The following CORIN variants were observed in gnomAD, a reference collection of about 807,000 sequenced individuals.
The protein encoded by CORIN is corin, serine peptidase, also known as atrial natriuretic peptide-converting enzyme.
A neutral mutation model predicts 125.3 loss-of-function variants in CORIN; 117 were observed. The observed-to-expected ratio is 0.93, with a 90% CI of 0.80 to 1.09. The LOEUF (loss-of-function observed/expected upper bound fraction) is 1.09. Among genes scored for constraint, CORIN ranks in the 50% least tolerant of loss-of-function variants. The pLI is 0.00. For synonymous variants in CORIN, 450 were observed against 466.4 expected (o/e 0.96, Z 0.45); for missense variants, 1,253 against 1,306.7 (o/e 0.96, Z 0.63).
At chr4:47,638,762 GC>G (rs1723125246) in intron 16 of CORIN, among the ~76,000 whole-genome samples, 1 of 152,160 alleles carries the variant, frequency 6.6e-6, no homozygotes, top group African/African-American at 2.4e-5. Flanking sequence ...TAATACAGCT[GC>G]CATGAGAATT....
Position 47,627,624 on chromosome 4 carries a change from G to A in CORIN, c.2199-1103C>T, listed in dbSNP as rs143312250. 5.3e-3 allele frequency among the ~76,000 whole-genome samples: 808 copies of A among 152,034 alleles called. 5 individuals carry two copies. Among genetic ancestry groups the A allele is most frequent in the African/African-American group, 0.018 (763 of 41,456 alleles). ...TCTTTTTCTTGGCCAAAATGAATCC[G>A]GCTCTCCATCAATTCCAGAAGTTCT... is the stretch of plus-strand genomic sequence containing the variant. On this transcript the variant is annotated intron_variant, in intron 16 of 21. Coordinates refer to ENST00000273857, the MANE Select transcript of CORIN (RefSeq NM_006587.4).
intron 14 of CORIN, among the ~76,000 whole-genome samples, chr4:47,644,101 T>C (rs915649777): frequency 1.3e-5 from 2 of 152,210 alleles, no homozygotes; most frequent in South Asian, 2.1e-4. Context: ...TGCTTCTTTT[T>C]GCAGTTCAGC....
intron 1 of CORIN, among the ~76,000 whole-genome samples, chr4:47,811,689 A>G (rs1489312789): frequency 6.6e-6 from 1 of 152,192 alleles, no homozygotes; most frequent in African/African-American, 2.4e-5. Context: ...AATTGGTTGG[A>G]TTACCTTTTG....
chr4:47,758,397 C>T (rs1414742434), intron 4 of CORIN, among the ~76,000 whole-genome samples: 8 of 151,950 alleles, frequency 5.3e-5, no homozygotes, highest in South Asian at 4.1e-4. Flanking sequence ...TCAATGTGTC[C>T]GTACTACCCA....
intron 16 of CORIN, among the ~76,000 whole-genome samples, chr4:47,628,981 T>C (rs1722698018): frequency 6.6e-6 from 1 of 152,216 alleles, no homozygotes; most frequent in Non-Finnish European, 1.5e-5. Context: ...TCTTGGGTAT[T>C]ATGAAGAGTG....
At chr4:47,693,667 G>A (rs1251596284) in intron 5 of CORIN, among the ~76,000 whole-genome samples, 2 of 152,118 alleles carry the variant, frequency 1.3e-5, no homozygotes, top group Non-Finnish European at 2.9e-5. Flanking sequence ...CATAAGGAAC[G>A]GGAAATGGCA....
intron 21 of CORIN, 111 bp from the exon 22 acceptor site, chr4:47,596,014 G>GC: frequency 6.3e-6 from 5 of 791,746 alleles, no homozygotes; most frequent in Non-Finnish European, 9.3e-6. Flanking sequence ...AACTTGGAAA[G>GC]TTTCAACAAA....
intron 19 of CORIN, among the ~76,000 whole-genome samples, chr4:47,612,181 C>G (rs571582460): frequency 1.3e-5 from 2 of 152,216 alleles, no homozygotes; most frequent in East Asian, 3.9e-4. Context: ...AGCTATAAAT[C>G]TGGTGAATAG....
intron 5 of CORIN, among the ~76,000 whole-genome samples, chr4:47,696,590 T>C (rs1726016695): frequency 6.6e-6 from 1 of 152,314 alleles, no homozygotes; most frequent in Middle Eastern, 3.4e-3. Context: ...TAATTAATAC[T>C]ACTGCAAAAA....
intron 2 of CORIN, among the ~76,000 whole-genome samples, chr4:47,788,411 T>A (rs1730916697): frequency 1.3e-5 from 2 of 152,168 alleles, no homozygotes; most frequent in Non-Finnish European, 2.9e-5. Flanking sequence ...AATAAAACAT[T>A]GAAGCATAAA....
At chr4:47,712,253 GATAAT>G (rs1378211695) in intron 5 of CORIN, among the ~76,000 whole-genome samples, 3 of 152,018 alleles carry the variant, frequency 2.0e-5, no homozygotes, top group Non-Finnish European at 4.4e-5. Context: ...TGATATATAT[GATAAT>G]ATAATGTCAT....
chr4:47,775,279 T>A (rs1294401560), intron 3 of CORIN, among the ~76,000 whole-genome samples: 1 of 152,134 alleles, frequency 6.6e-6, no homozygotes, highest in Non-Finnish European at 1.5e-5. Context: ...ACAGGTTTTT[T>A]ACCTATGTAT....
At chr4:47,836,043 G>A (rs1733383786) in intron 1 of CORIN, among the ~76,000 whole-genome samples, 1 of 152,082 alleles carries the variant, frequency 6.6e-6, no homozygotes, top group Non-Finnish European at 1.5e-5. Flanking sequence ...GGGTTTTGAG[G>A]TTGATGTGTT....
intron 1 of CORIN, among the ~76,000 whole-genome samples, chr4:47,817,857 A>G (rs1266389062): frequency 2.0e-5 from 3 of 152,152 alleles, no homozygotes; most frequent in Non-Finnish European, 4.4e-5. Context: ...TGTTAAACAA[A>G]TAATCTCTGA....
At chr4:47,625,633 C>T (rs1577751353) in intron 17 of CORIN, among the ~76,000 whole-genome samples, 1 of 152,094 alleles carries the variant, frequency 6.6e-6, no homozygotes, top group Non-Finnish European at 1.5e-5. Context: ...TAGTTTTCCT[C>T]TTTAAAATTC....
Position 47,600,218 on chromosome 4 carries a change from C to T in CORIN, c.2942G>A (p.Cys981Tyr). 1 of 1,607,082 alleles carries T rather than the reference C, an allele frequency of 6.2e-7. No individual in the cohort carries two copies. Among genetic ancestry groups the T allele is most frequent in the Non-Finnish European group, 8.5e-7 (1 of 1,176,244 alleles). Residue 981 changes from cysteine to tyrosine, a missense_variant, in exon 21 of 22, where the codon TGC becomes TAC. Coordinates refer to ENST00000273857, the MANE Select transcript of CORIN (RefSeq NM_006587.4). ...AGYESGTVDSCMGDSGGPLVC... is the reference protein window; with the variant it reads ...AGYESGTVDSYMGDSGGPLVC... ...GGTAACCAGAAAGCAACTTACCATG[C>T]ATGAATCAACTGTGCCAGACTCATA... is the stretch of plus-strand genomic sequence containing the variant.
At chr4:47,761,701 G>A (rs1456511777) in intron 4 of CORIN, among the ~76,000 whole-genome samples, 2 of 152,180 alleles carry the variant, frequency 1.3e-5, no homozygotes, top group African/African-American at 4.8e-5. Flanking sequence ...GAATAAAGGT[G>A]AAAAGAGACT....
At position 47,623,662 on chromosome 4, in the gene CORIN, A is replaced by G; in HGVS notation, c.2449T>C (p.Cys817Arg). 1 of 1,614,216 alleles carries G rather than the reference A, an allele frequency of 6.2e-7. No individual in the cohort carries two copies. ...TSRPGRWPWQ[C>R]SLQSEPSGHI... ...CCACTGGGTTCACTCTGCAGAGAAC[A>G]CTGCCATGGCCACCTTCCAGGGCGA... The change falls in exon 19 of 22, where the codon TGT (cysteine) becomes CGT (arginine). Residue 817 changes from cysteine (C) to arginine (R), a missense_variant. Cys to Arg is a radical substitution (Grantham distance 180). Transcript: ENST00000273857.
At chr4:47,677,872 G>C (rs1321860497) in intron 9 of CORIN, 66 bp downstream of exon 9, 4 of 1,138,198 alleles carry the variant, frequency 3.5e-6, no homozygotes, top group Non-Finnish European at 5.3e-6. Flanking sequence ...CTTCAAATGT[G>C]TTCCTTTGTT....
Sources: allele counts gnomAD v4.1 joint callset (sites outside exome capture counted in the v4.1 genomes callset), GRCh38; gene constraint gnomAD v4.1.1; transcripts MANE v1.5; gene names NCBI Gene and HGNC (gene_info 2026-07-23, HGNC 2026-07-21).